Variants in BRINP3 observed in about 807,000 individuals in gnomAD.
BRINP3 encodes the protein BMP/retinoic acid-inducible neural-specific protein 3.
Under a neutral mutation model 71.0 loss-of-function variants are expected in BRINP3, and 19 were observed. The ratio of observed to expected loss-of-function variants is 0.27; its 90% CI spans 0.19 to 0.39. The LOEUF is 0.39. Among genes scored for constraint, BRINP3 ranks in the 10% least tolerant of loss-of-function variants. The pLI, the probability that BRINP3 is intolerant of heterozygous loss-of-function variation, is 1.00. For synonymous variants in BRINP3, 380 were observed against 337.7 expected (o/e 1.13, Z -1.37); for missense variants, 959 against 940.8 (o/e 1.02, Z -0.25).
At chr1:190,263,232 C>T (rs912920233) in intron 4 of BRINP3, among the ~76,000 whole-genome samples, 1 of 152,158 alleles carries the variant, frequency 6.6e-6, no homozygotes, top group Non-Finnish European at 1.5e-5. Context: ...GTTTCTCTAA[C>T]AACATCTTAC....
At chr1:190,236,802 G>C (rs1173200942) in intron 4 of BRINP3, among the ~76,000 whole-genome samples, 6 of 151,926 alleles carry the variant, frequency 3.9e-5, no homozygotes, top group Non-Finnish European at 8.8e-5. Flanking sequence ...AGAATACTTA[G>C]GGTTTAAGAT....
intron 2 of BRINP3, among the ~76,000 whole-genome samples, chr1:190,307,384 T>C (rs1014468772): frequency 4.1e-5 from 6 of 145,194 alleles, no homozygotes; most frequent in Admixed American, 7.2e-5. Context: ...TTCTCATGAC[T>C]CAGCCTCTCA....
intron 2 of BRINP3, among the ~76,000 whole-genome samples, chr1:190,283,154 C>T (rs1663170030): frequency 6.6e-6 from 1 of 151,912 alleles, no homozygotes; most frequent in South Asian, 2.1e-4. Context: ...AGACTTTGGC[C>T]TGAACATAAA....
At chr1:190,229,086 A>C (rs1187855378) in intron 5 of BRINP3, among the ~76,000 whole-genome samples, 1 of 152,058 alleles carries the variant, frequency 6.6e-6, no homozygotes. Context: ...AAGGACAAAA[A>C]TGAAGTGAGA....
intron 6 of BRINP3, among the ~76,000 whole-genome samples, chr1:190,197,637 T>G (rs781338895): frequency 6.6e-6 from 1 of 152,192 alleles, no homozygotes; most frequent in Non-Finnish European, 1.5e-5. Flanking sequence ...TTTGGCTCCA[T>G]GTCTCACATC....
intron 6 of BRINP3, among the ~76,000 whole-genome samples, chr1:190,204,636 A>G (rs939259751): frequency 1.3e-5 from 2 of 152,044 alleles, no homozygotes; most frequent in Non-Finnish European, 2.9e-5. Context: ...CAATGCTTCA[A>G]GTATTATACA....
At chr1:190,325,193 TA>T (rs1011641366) in intron 2 of BRINP3, among the ~76,000 whole-genome samples, 1 of 151,940 alleles carries the variant, frequency 6.6e-6, no homozygotes, top group Admixed American at 6.6e-5. Context: ...TTTTCTGTAA[TA>T]AAAAATAGAT....
chr1:190,353,697 A>G (rs181124902), intron 2 of BRINP3, among the ~76,000 whole-genome samples: 2 of 152,058 alleles, frequency 1.3e-5, no homozygotes, highest in East Asian at 3.9e-4. Context: ...ACCACCAATC[A>G]TTAGTAATCC....
At chr1:190,379,473 T>G (rs1404441469) in intron 2 of BRINP3, among the ~76,000 whole-genome samples, 1 of 152,140 alleles carries the variant, frequency 6.6e-6, no homozygotes, top group Admixed American at 6.6e-5. Context: ...GATTCTATTT[T>G]GGATACAACA....
chr1:190,301,887 T>G (rs1664765201), intron 2 of BRINP3, among the ~76,000 whole-genome samples: 1 of 151,992 alleles, frequency 6.6e-6, no homozygotes, highest in Non-Finnish European at 1.5e-5. Context: ...AAAAACATTT[T>G]TTCAGCAAAT....
chr1:190,367,124 T>A (rs770807303), intron 2 of BRINP3, among the ~76,000 whole-genome samples: 1 of 152,200 alleles, frequency 6.6e-6, no homozygotes, highest in Non-Finnish European at 1.5e-5. Context: ...TTTCTCTTTT[T>A]CATTGCCCTG....
At chr1:190,294,262 CT>C (rs3076717) in intron 2 of BRINP3, among the ~76,000 whole-genome samples, 107,800 of 141,126 alleles carry the variant, frequency 0.76, 41,351 homozygotes, top group Middle Eastern at 0.89. Context: ...CTCAAAATAC[CT>C]TTTTTTTTTT....
intron 7 of BRINP3, among the ~76,000 whole-genome samples, chr1:190,153,677 T>A (rs941681271): frequency 1.3e-5 from 2 of 152,180 alleles, no homozygotes; most frequent in Non-Finnish European, 2.9e-5. Flanking sequence ...ATGCAATTTT[T>A]AACTAAATCA....
At chr1:190,169,467 C>A (rs1343416487) in intron 6 of BRINP3, among the ~76,000 whole-genome samples, 1 of 152,150 alleles carries the variant, frequency 6.6e-6, no homozygotes, top group Non-Finnish European at 1.5e-5. Flanking sequence ...GCCAGCATCT[C>A]CAATCCTTTT....
intron 6 of BRINP3, among the ~76,000 whole-genome samples, chr1:190,188,180 T>C (rs1452386969): frequency 2.6e-5 from 4 of 152,270 alleles, no homozygotes; most frequent in South Asian, 2.1e-4. Flanking sequence ...TTAACTGTTA[T>C]TGAATAGAAA....
chr1:190,143,972 G>A (rs887521787), intron 7 of BRINP3, among the ~76,000 whole-genome samples: 2 of 152,108 alleles, frequency 1.3e-5, no homozygotes, highest in Non-Finnish European at 2.9e-5. Context: ...ATTTATGCAA[G>A]GAGCATGATG....
intron 2 of BRINP3, among the ~76,000 whole-genome samples, chr1:190,378,631 C>A (rs1670328345): frequency 6.6e-6 from 1 of 152,170 alleles, no homozygotes; most frequent in Non-Finnish European, 1.5e-5. Flanking sequence ...CTTTTAAAAT[C>A]ATTTTCTCTT....
In BRINP3 at chr1:190,391,312, A is replaced by G. The variant is rs1671238028; in HGVS notation, c.236+63343T>C. Reference sequence around the variant, plus strand: ...TATGGAGAATAAGCTTTTAGAATGAAGAGAATATGGGTTACTCATTTATAA... The same window carrying G: ...TATGGAGAATAAGCTTTTAGAATGAGGAGAATATGGGTTACTCATTTATAA... On this transcript the variant is annotated intron_variant, in intron 2 of 7. Transcript: ENST00000367462. Among the ~76,000 whole-genome samples the G allele has an allele frequency of 2.6e-5, 4 of 151,830 alleles. No individual in the cohort carries two copies. In the South Asian group the frequency reaches 8.3e-4, roughly 31 times the overall value.
intron 2 of BRINP3, among the ~76,000 whole-genome samples, chr1:190,444,239 C>CAAAAAAAAAAAAAAAA (rs764014934): frequency 3.6e-5 from 2 of 56,310 alleles, no homozygotes; most frequent in Non-Finnish European, 6.1e-5. Flanking sequence ...AACTCCGTCT[C>CAAAAAAAAAAAAAAAA]AAAAAAAAAA....
Sources: gnomAD v4.1 joint callset for allele counts (sites outside exome capture counted in the v4.1 genomes callset) on GRCh38, gnomAD v4.1.1 for gene constraint, MANE v1.5 for transcripts, NCBI Gene and HGNC (gene_info 2026-07-23, HGNC 2026-07-21) for gene names.